The following VWC2 variants were observed in gnomAD, a reference collection of about 807,000 sequenced individuals.
VWC2 encodes brorin.
Under a neutral mutation model 29.8 loss-of-function variants are expected in VWC2, and 14 were observed. That is an observed-to-expected ratio of 0.47 (90% CI 0.31 to 0.74). VWC2 has a LOEUF of 0.74. Ranked by LOEUF, VWC2 falls within the 30% of genes least tolerant of loss-of-function variation. The pLI is 0.05. For synonymous variants in VWC2, 213 were observed against 199.0 expected (o/e 1.07, Z -0.59); for missense variants, 457 against 459.8 (o/e 0.99, Z 0.05).
At chr7:49,837,220 A>G (rs1024828747) in intron 3 of VWC2, among the ~76,000 whole-genome samples, 20 of 152,244 alleles carry the variant, frequency 1.3e-4, no homozygotes, top group Admixed American at 6.5e-5. Context: ...GAATATTTAA[A>G]TAACCAGAGC....
chr7:49,801,535 C>T (rs1788737805), intron 2 of VWC2, among the ~76,000 whole-genome samples: 1 of 152,260 alleles, frequency 6.6e-6, no homozygotes, highest in Non-Finnish European at 1.5e-5. Context: ...TAGCCACGTA[C>T]AGCTTTCTTG....
At chr7:49,858,483 C>T (rs973189492) in intron 3 of VWC2, among the ~76,000 whole-genome samples, 8 of 147,622 alleles carry the variant, frequency 5.4e-5, no homozygotes, top group Non-Finnish European at 5.9e-5. Flanking sequence ...CATGTTCTCA[C>T]TCATAGGTGG....
chr7:49,913,951 A>G lies in VWC2; in HGVS notation c.*1766A>G, dbSNP rs1793592350. On this transcript the variant is annotated 3_prime_UTR_variant, in exon 4 of 4. Transcript: ENST00000340652. ...TGTCTTGTTCATAAAGAACACCTTG[A>G]GCCAAAGGAACTACCAGTACATAGA... The G allele has an allele frequency of 6.6e-6, 1 of 152,228 alleles. No homozygotes were observed. Among genetic ancestry groups the G allele is most frequent in the Non-Finnish European group, 1.5e-5 (1 of 68,032 alleles). The allele number at this position is 152,228 out of a possible 1,614,324, so 9.4% of individuals were successfully genotyped here. A position where few individuals can be genotyped will look rare whatever the true frequency, so the allele number is the denominator to read the frequency against.
At chr7:49,845,947 C>T (rs1789933423) in intron 3 of VWC2, among the ~76,000 whole-genome samples, 1 of 152,222 alleles carries the variant, frequency 6.6e-6, no homozygotes, top group African/African-American at 2.4e-5. Context: ...TCTTTGACAC[C>T]TGCCCCTGTG....
chr7:49,832,889 G>A (rs1334401632), intron 3 of VWC2, among the ~76,000 whole-genome samples: 3 of 152,148 alleles, frequency 2.0e-5, no homozygotes, highest in Non-Finnish European at 2.9e-5. Flanking sequence ...AGGCTCTAAG[G>A]TTAAAAGTAT....
chr7:49,909,831 C>T (rs1367607001), intron 3 of VWC2, among the ~76,000 whole-genome samples: 2 of 152,092 alleles, frequency 1.3e-5, no homozygotes, highest in African/African-American at 2.4e-5. Flanking sequence ...GGGCTGGGTG[C>T]GGCAACTCAT....
chr7:49,882,536 C>CAG (rs973889003), intron 3 of VWC2, among the ~76,000 whole-genome samples: 2 of 151,776 alleles, frequency 1.3e-5, no homozygotes, highest in African/African-American at 4.8e-5. Flanking sequence ...GAGGGACACA[C>CAG]AGAGAGAGAG....
chr7:49,791,038 C>T (rs1393381979), intron 2 of VWC2, among the ~76,000 whole-genome samples: 1 of 152,088 alleles, frequency 6.6e-6, no homozygotes. Flanking sequence ...AGGCAGAGAC[C>T]TGCCTCAAGA....
chr7:49,870,507 A>G (rs992321985), intron 3 of VWC2, among the ~76,000 whole-genome samples: 6 of 152,250 alleles, frequency 3.9e-5, no homozygotes. Flanking sequence ...TCTTTTTCTG[A>G]ATATAAAACT....
At chr7:49,822,863 AGCAGT>A (rs988308464) in intron 3 of VWC2, among the ~76,000 whole-genome samples, 1 of 152,098 alleles carries the variant, frequency 6.6e-6, no homozygotes, top group Non-Finnish European at 1.5e-5. Context: ...TTTACTGTTG[AGCAGT>A]GCTCGCTTGT....
chr7:49,893,432 G>C (rs1450197736), intron 3 of VWC2, among the ~76,000 whole-genome samples: 2 of 152,178 alleles, frequency 1.3e-5, no homozygotes, highest in South Asian at 4.1e-4. Context: ...TTCTTCCATA[G>C]AGACAAAATT....
chr7:49,834,881 T>C (rs1236455716), intron 3 of VWC2, among the ~76,000 whole-genome samples: 1 of 152,142 alleles, frequency 6.6e-6, no homozygotes, highest in Non-Finnish European at 1.5e-5. Context: ...CAGTTGTTAA[T>C]CTAAACTGTG....
intron 3 of VWC2, among the ~76,000 whole-genome samples, chr7:49,868,738 C>T (rs983601693): frequency 1.3e-5 from 2 of 152,188 alleles, no homozygotes; most frequent in Non-Finnish European, 2.9e-5. Context: ...CTGCCTCAGC[C>T]TCCCAAGTAG....
chr7:49,840,747 G>A (rs1789776162), intron 3 of VWC2, among the ~76,000 whole-genome samples: 1 of 152,180 alleles, frequency 6.6e-6, no homozygotes, highest in Admixed American at 6.5e-5. Context: ...CATTTTTGTG[G>A]ATCCGGCATT....
intron 3 of VWC2, among the ~76,000 whole-genome samples, chr7:49,866,233 G>A (rs1196709002): frequency 1.3e-5 from 2 of 152,184 alleles, no homozygotes; most frequent in East Asian, 1.9e-4. Flanking sequence ...TTCGCCAGAT[G>A]TGTTCACTGG....
At chr7:49,904,805 G>A (rs1017634552) in intron 3 of VWC2, among the ~76,000 whole-genome samples, 3 of 147,712 alleles carry the variant, frequency 2.0e-5, no homozygotes, top group Non-Finnish European at 4.4e-5. Context: ...GCGCGATCTC[G>A]GCTCACTGCA....
At chr7:49,887,821 C>T (rs754374349) in intron 3 of VWC2, among the ~76,000 whole-genome samples, 2 of 152,188 alleles carry the variant, frequency 1.3e-5, no homozygotes, top group Admixed American at 6.5e-5. Context: ...TCTCTCCCAT[C>T]CCCCAGAAAT....
chr7:49,857,611 A>C (rs1790478002), intron 3 of VWC2, among the ~76,000 whole-genome samples: 1 of 152,188 alleles, frequency 6.6e-6, no homozygotes, highest in African/African-American at 2.4e-5. Flanking sequence ...ATTACCTCAC[A>C]ACTGTCAAAA....
intron 3 of VWC2, among the ~76,000 whole-genome samples, chr7:49,859,621 G>A (rs1453630186): frequency 6.6e-6 from 1 of 152,178 alleles, no homozygotes; most frequent in Non-Finnish European, 1.5e-5. Context: ...TGTTACACAG[G>A]TGTATTTGCC....
Sources: allele counts gnomAD v4.1 joint callset (sites outside exome capture counted in the v4.1 genomes callset), GRCh38; gene constraint gnomAD v4.1.1; transcripts MANE v1.5; gene names NCBI Gene and HGNC (gene_info 2026-07-23, HGNC 2026-07-21).